Variants in PRKX observed in about 807,000 individuals in gnomAD.
PRKX encodes protein kinase cAMP-dependent X-linked catalytic subunit, also known as cAMP-dependent protein kinase catalytic subunit PRKX.
In PRKX, 12 loss-of-function variants were observed where a neutral mutation model predicts 22.0. That is an observed-to-expected ratio of 0.54 (90% CI 0.35 to 0.88). PRKX has a LOEUF of 0.88. PRKX is among the 40% of genes least tolerant of loss of function. The probability of loss-of-function intolerance (pLI) is 0.01; values close to 1 mark genes in which losing one functional copy is unlikely to be tolerated. For synonymous variants in PRKX, 134 were observed against 137.7 expected (o/e 0.97, Z 0.19); for missense variants, 217 against 308.0 (o/e 0.70, Z 2.21).
chrX:3,705,848 C>T (rs1218633335), intron 1 of PRKX, among the ~76,000 whole-genome samples: 3 of 106,716 alleles, frequency 2.8e-5, no homozygotes, highest in South Asian at 8.4e-4. Flanking sequence ...CCACCACACC[C>T]GGCTAATTTT....
intron 1 of PRKX, among the ~76,000 whole-genome samples, chrX:3,691,084 C>T (rs1928314499): frequency 8.9e-6 from 1 of 111,821 alleles, no homozygotes; most frequent in African/African-American, 3.2e-5. Context: ...ATCACCAGCT[C>T]AGTCGGACTA....
chrX:3,640,315 G>C (rs372754455), intron 4 of PRKX, among the ~76,000 whole-genome samples: 156 of 111,143 alleles, frequency 1.4e-3, no homozygotes, highest in African/African-American at 5.0e-3. Flanking sequence ...AGAGAGAAGA[G>C]CCTTTCGTGC....
At chrX:3,688,058 A>T (rs367705202) in intron 1 of PRKX, among the ~76,000 whole-genome samples, 4 of 111,119 alleles carry the variant, frequency 3.6e-5, no homozygotes, top group East Asian at 5.7e-4. Flanking sequence ...GCTTGAACCC[A>T]GGAGGCAGAG....
intron 1 of PRKX, among the ~76,000 whole-genome samples, chrX:3,701,981 CTCTG>C (rs774951991): frequency 4.7e-4 from 53 of 112,448 alleles, no homozygotes; most frequent in African/African-American, 1.5e-3. Flanking sequence ...CTCGAAGCCA[CTCTG>C]TCTATGGAGG....
intron 7 of PRKX, among the ~76,000 whole-genome samples, chrX:3,613,637 G>A (rs1423175166): frequency 1.8e-5 from 2 of 108,726 alleles, no homozygotes; most frequent in Non-Finnish European, 3.8e-5. Flanking sequence ...TTGAGGTCAT[G>A]AGTTCGAAAC....
chrX:3,648,606 C>CTGTG (rs58698248), intron 3 of PRKX, among the ~76,000 whole-genome samples: 5,406 of 71,970 alleles, frequency 0.075, 266 homozygotes, highest in East Asian at 0.096. Flanking sequence ...CTCTCTACTC[C>CTGTG]TGTGTGTGTG....
At chrX:3,673,856 C>T (rs1443296197) in intron 2 of PRKX, among the ~76,000 whole-genome samples, 6 of 110,481 alleles carry the variant, frequency 5.4e-5, no homozygotes, top group African/African-American at 9.9e-5. Context: ...ATGAATGGGA[C>T]GAGTGCCCTT....
chrX:3,678,522 C>A (rs1318223702), intron 1 of PRKX, among the ~76,000 whole-genome samples: 1 of 112,224 alleles, frequency 8.9e-6, no homozygotes, highest in Admixed American at 9.5e-5. Context: ...AAAGCTTTCT[C>A]TGAGCTGTGT....
chrX:3,648,324 C>T (rs758881134), intron 3 of PRKX, among the ~76,000 whole-genome samples: 1 of 110,713 alleles, frequency 9.0e-6, no homozygotes, highest in South Asian at 3.8e-4. Context: ...TTAACCTATG[C>T]AAGGCTAATT....
chrX:3,642,475 G>A (rs1054752329), intron 3 of PRKX, among the ~76,000 whole-genome samples: 9 of 109,824 alleles, frequency 8.2e-5, no homozygotes, highest in African/African-American at 2.7e-4. Flanking sequence ...GCCGCTGGAA[G>A]GAGAAGCACA....
intron 1 of PRKX, among the ~76,000 whole-genome samples, chrX:3,682,893 A>C (rs1448891095): frequency 2.7e-5 from 3 of 111,260 alleles, no homozygotes; most frequent in East Asian, 5.8e-4. Flanking sequence ...TCTCAAGGTG[A>C]GGTCATCCAA....
chrX:3,639,865 CCAAA>C (rs765317444), intron 4 of PRKX, among the ~76,000 whole-genome samples: 3 of 110,673 alleles, frequency 2.7e-5, no homozygotes, highest in Admixed American at 9.6e-5. Context: ...TGTCTGCTCC[CCAAA>C]CAAAGTCAGC....
Position 3,661,884 on chromosome X carries a change from T to C in PRKX, c.336-6472A>G, listed in dbSNP as rs188907951. Among the ~76,000 whole-genome samples the C allele has an allele frequency of 3.6e-5, 4 of 111,638 alleles. No individual in the cohort carries two copies. In the East Asian group the frequency reaches 1.1e-3, roughly 31 times the overall value. Reference sequence around the variant, plus strand: ...CAAGTCTATAAAAGTTCAAAAGCAATAGAAGATAAGAGGGTTTATCACAAT... The same window carrying C: ...CAAGTCTATAAAAGTTCAAAAGCAACAGAAGATAAGAGGGTTTATCACAAT... On this transcript the variant is annotated intron_variant, in intron 2 of 8. Coordinates refer to ENST00000262848, the MANE Select transcript of PRKX (RefSeq NM_005044.5).
chrX:3,658,397 C>T (rs1334942032), intron 2 of PRKX, among the ~76,000 whole-genome samples: 4 of 111,424 alleles, frequency 3.6e-5, no homozygotes, highest in Non-Finnish European at 5.7e-5. Flanking sequence ...ATCCTCTCAC[C>T]TCAGCCTCCC....
chrX:3,661,112 A>G (rs1029668497), intron 2 of PRKX, among the ~76,000 whole-genome samples: 4 of 111,502 alleles, frequency 3.6e-5, no homozygotes, highest in Admixed American at 9.6e-5. Context: ...TTACCTATAC[A>G]CTAATGCGGG....
chrX:3,609,985 T>C (rs1926260226), intron 8 of PRKX, among the ~76,000 whole-genome samples: 1 of 112,012 alleles, frequency 8.9e-6, no homozygotes, highest in Admixed American at 9.5e-5. Flanking sequence ...CAAACAAAGA[T>C]GAACGGCTAC....
intron 1 of PRKX, 95 bp from the exon 2 acceptor site, chrX:3,674,861 G>T: frequency 1.0e-6 from 1 of 995,206 alleles, no homozygotes; most frequent in Admixed American, 2.3e-5. Context: ...GCACCAGGAC[G>T]GCAAACACAG....
intron 2 of PRKX, among the ~76,000 whole-genome samples, chrX:3,666,865 A>T (rs1463727595): frequency 9.9e-6 from 1 of 101,000 alleles, no homozygotes; most frequent in African/African-American, 3.7e-5. Flanking sequence ...CCATGATTGC[A>T]CCAGTACACT....
chrX:3,701,011 G>C (rs1372590553), intron 1 of PRKX, among the ~76,000 whole-genome samples: 2 of 111,514 alleles, frequency 1.8e-5, no homozygotes, highest in Non-Finnish European at 3.8e-5. Context: ...TTCTATTCCA[G>C]TGTCCAGGGA....
Sources: gnomAD v4.1 joint callset for allele counts (sites outside exome capture counted in the v4.1 genomes callset) on GRCh38, gnomAD v4.1.1 for gene constraint, MANE v1.5 for transcripts, NCBI Gene and HGNC (gene_info 2026-07-23, HGNC 2026-07-21) for gene names.